Variants in PRKN observed in about 807,000 individuals in gnomAD.
PRKN encodes the protein parkin RBR E3 ubiquitin protein ligase, also known as E3 ubiquitin-protein ligase parkin.
Under a neutral mutation model 59.5 loss-of-function variants are expected in PRKN, and 56 were observed. The ratio of observed to expected loss-of-function variants is 0.94; its 90% CI spans 0.76 to 1.18. The LOEUF is 1.18. PRKN is among the 50% of genes most tolerant of loss of function. The probability of loss-of-function intolerance (pLI) is 0.00; values close to 1 mark genes in which losing one functional copy is unlikely to be tolerated. For synonymous variants in PRKN, 250 were observed against 222.1 expected, an observed-to-expected ratio of 1.13 and a Z score of -1.12; for missense variants, 657 against 596.4, an observed-to-expected ratio of 1.10 and a Z score of -1.06.
intron 6 of PRKN, among the ~76,000 whole-genome samples, chr6:161,969,607 C>T (rs1312307416): frequency 6.6e-6 from 1 of 152,120 alleles, no homozygotes; most frequent in Non-Finnish European, 1.5e-5. Context: ...TGGAACTCAG[C>T]TTCCAAGGTG....
intron 6 of PRKN, among the ~76,000 whole-genome samples, chr6:161,855,087 AAAAAAAAAAAAG>A (rs952550682): frequency 6.7e-5 from 10 of 149,334 alleles, no homozygotes; most frequent in East Asian, 5.9e-4. Flanking sequence ...CATCTCAAAA[AAAAAAAAAAAAG>A]AAAAAAAAAA....
At chr6:161,750,108 T>C (rs1005849921) in intron 7 of PRKN, among the ~76,000 whole-genome samples, 6,903 of 103,688 alleles carry the variant, frequency 0.067, 538 homozygotes, top group African/African-American at 0.22. Context: ...CATATATATA[T>C]ATATATATAT....
At chr6:162,361,225 G>A (rs1174175993) in intron 2 of PRKN, among the ~76,000 whole-genome samples, 2 of 152,044 alleles carry the variant, frequency 1.3e-5, no homozygotes, top group Non-Finnish European at 2.9e-5. Flanking sequence ...CTCATTAGGG[G>A]AAAAGAGAGA....
intron 4 of PRKN, among the ~76,000 whole-genome samples, chr6:162,115,254 C>T (rs1166876968): frequency 4.7e-5 from 7 of 149,842 alleles, no homozygotes; most frequent in African/African-American, 1.7e-4. Context: ...AACAAAAAAC[C>T]AAACACCGCA....
At chr6:161,618,008 G>C (rs1181588474) in intron 7 of PRKN, among the ~76,000 whole-genome samples, 1 of 152,170 alleles carries the variant, frequency 6.6e-6, no homozygotes, top group Non-Finnish European at 1.5e-5. Context: ...CCAGTGTATG[G>C]GACACCAAAC....
intron 7 of PRKN, among the ~76,000 whole-genome samples, chr6:161,573,755 A>AAATATATAT (rs1781013640): frequency 3.3e-5 from 1 of 30,356 alleles, no homozygotes; most frequent in African/African-American, 1.3e-4. Context: ...AAAAAAAAAA[A>AAATATATAT]ATATATATAT....
At chr6:162,316,484 T>C (rs927243086) in intron 2 of PRKN, among the ~76,000 whole-genome samples, 4 of 152,172 alleles carry the variant, frequency 2.6e-5, no homozygotes, top group African/African-American at 9.7e-5. Flanking sequence ...GAGAAAACCA[T>C]AATTTATGAC....
At chr6:161,436,462 G>A (rs74772450) in intron 9 of PRKN, among the ~76,000 whole-genome samples, 38,606 of 104,522 alleles carry the variant, frequency 0.37, 6,586 homozygotes, top group East Asian at 0.78. Context: ...GACTTTTTTG[G>A]GGGGGGGTGG....
At chr6:161,764,448 T>C (rs936585208) in intron 7 of PRKN, among the ~76,000 whole-genome samples, 2 of 152,192 alleles carry the variant, frequency 1.3e-5, no homozygotes, top group African/African-American at 4.8e-5. Flanking sequence ...ACCGTCTTTG[T>C]TTTTACTTAG....
chr6:162,115,055 T>C lies in PRKN; in HGVS notation c.535-60881A>G, dbSNP rs1409923033. On this transcript the variant is annotated intron_variant, in intron 4 of 11. Coordinates refer to ENST00000366898, the MANE Select transcript of PRKN (RefSeq NM_004562.3). The stretch of plus-strand genomic sequence containing the variant: ...AAAGACACATGCACACGTATGTTTA[T>C]TGCGGCATTATTCACAATAGCAAAA... Among the ~76,000 whole-genome samples the C allele has an allele frequency of 9.9e-5, 15 of 152,106 alleles. No homozygotes were observed. The South Asian group carries it at 1.9e-3, about 19-fold the overall frequency.
intron 1 of PRKN, among the ~76,000 whole-genome samples, chr6:162,509,687 C>T (rs1221176136): frequency 6.6e-6 from 1 of 152,124 alleles, no homozygotes; most frequent in Non-Finnish European, 1.5e-5. Flanking sequence ...AAGGATGTAC[C>T]TTTGCTATCC....
intron 6 of PRKN, among the ~76,000 whole-genome samples, chr6:161,966,042 A>C (rs1335785581): frequency 2.6e-5 from 4 of 152,044 alleles, no homozygotes; most frequent in Non-Finnish European, 5.9e-5. Context: ...AACAGATGCA[A>C]ATTTTCCCCC....
chr6:162,539,098 A>G (rs1165367533), intron 1 of PRKN, among the ~76,000 whole-genome samples: 2 of 152,220 alleles, frequency 1.3e-5, no homozygotes, highest in Admixed American at 6.5e-5. Context: ...ACCAGGGGAC[A>G]TATTAACACA....
intron 6 of PRKN, among the ~76,000 whole-genome samples, chr6:161,881,917 C>G (rs1335743526): frequency 6.6e-6 from 1 of 152,112 alleles, no homozygotes; most frequent in Non-Finnish European, 1.5e-5. Flanking sequence ...CAGTGGCCAG[C>G]TAGGACAGGC....
In PRKN at chr6:161,360,202, A is replaced by G. The variant is rs767878841; in HGVS notation, c.1171T>C (p.Tyr391His). The G allele has an allele frequency of 1.9e-6, 3 of 1,611,204 alleles. No individual in the cohort carries two copies. The highest frequency in any genetic ancestry group is 1.7e-5 in the Admixed American group (1 of 60,024). The change falls in exon 11 of 12, where the codon TAC (tyrosine) becomes CAC (histidine). Residue 391 changes from tyrosine (Y) to histidine (H), a missense_variant. Coordinates refer to ENST00000366898, the MANE Select transcript of PRKN (RefSeq NM_004562.3). This position sits in a 1 kb window ranked among gnomAD's most constrained non-coding sequence, Gnocchi z 5.1. ...TCGGCGGCTCTTTCATCGACTCTGT[A>G]GGCCTGGGGAAACAAAGAGGAAAGG... ...FEASGTTTQA[Y>H]RVDERAAEQA...
intron 7 of PRKN, among the ~76,000 whole-genome samples, chr6:161,652,090 T>C (rs891305658): frequency 6.6e-6 from 1 of 152,234 alleles, no homozygotes. Context: ...GCATAATCAA[T>C]CTGAATGACT....
At position 162,320,317 on chromosome 6, in the gene PRKN, T is replaced by C. The variant is rs1241396608; in HGVS notation, c.172-57552A>G. Reference sequence around the variant, plus strand: ...TGTAATGATTTTTCCTTTGGGTAGATACCCAGTAGTGGAATTTTAAAACTG... The same window carrying C: ...TGTAATGATTTTTCCTTTGGGTAGACACCCAGTAGTGGAATTTTAAAACTG... On this transcript the variant is annotated intron_variant, in intron 2 of 11. Transcript: ENST00000366898. Among the ~76,000 whole-genome samples, 6 of 116,510 alleles carry C rather than the reference T, an allele frequency of 5.1e-5. No homozygotes were observed. The South Asian group carries it at 1.3e-3, about 26-fold the overall frequency. The allele number at this position is 116,510 out of a possible 152,430, so 76.4% of individuals were successfully genotyped here.
intron 9 of PRKN, among the ~76,000 whole-genome samples, chr6:161,411,735 CA>C (rs1237209738): frequency 5.3e-5 from 8 of 151,834 alleles, no homozygotes; most frequent in Admixed American, 3.9e-4. Context: ...CTCATTCCTC[CA>C]CTCAGTCATT....
intron 7 of PRKN, among the ~76,000 whole-genome samples, chr6:161,669,783 C>G (rs1425522673): frequency 6.6e-6 from 1 of 152,200 alleles, no homozygotes; most frequent in Non-Finnish European, 1.5e-5. Flanking sequence ...TGAGGAGCCT[C>G]CATCTATTAA....
Sources: allele counts gnomAD v4.1 joint callset (sites outside exome capture counted in the v4.1 genomes callset), GRCh38; gene constraint gnomAD v4.1.1; non-coding constraint Gnocchi (gnomAD v3.1); transcripts MANE v1.5; gene names NCBI Gene and HGNC (gene_info 2026-07-23, HGNC 2026-07-21).